EMP2: variants seen among roughly 807,000 people sequenced by gnomAD.
EMP2 encodes the protein epithelial membrane protein 2.
EMP2 carries 19 observed loss-of-function variants against 13.7 expected under a neutral mutation model. The ratio of observed to expected loss-of-function variants is 1.38; its 90% CI spans 0.97 to 2.03. The LOEUF (loss-of-function observed/expected upper bound fraction) is 2.03, where lower values mean the gene tolerates loss of function less well. Among genes scored for constraint, EMP2 ranks in the 30% most tolerant of loss-of-function variants. EMP2 has a pLI of 0.00. For synonymous variants in EMP2, 97 were observed against 84.7 expected (o/e 1.15, Z -0.80); for missense variants, 253 against 220.7 (o/e 1.15, Z -0.93).
chr16:10,544,876 C>T (rs185941030), intron 2 of EMP2: 2 of 152,310 alleles, frequency 1.3e-5, no homozygotes, highest in Admixed American at 6.5e-5. Flanking sequence ...CAGAGAGAGA[C>T]CCTGTCACAA....
chr16:10,546,290 C>G (rs1052283635), intron 2 of EMP2: 1 of 152,214 alleles, frequency 6.6e-6, no homozygotes, highest in African/African-American at 2.4e-5. Flanking sequence ...TGTTTCTGCC[C>G]TTTAATTATC....
In EMP2 at chr16:10,580,225, G is replaced by A. The variant is rs2051017720; in HGVS notation, c.-61+324C>T. On this transcript the variant is annotated intron_variant, in intron 1 of 4. Transcript: ENST00000359543. This position sits in a 1 kb window ranked among gnomAD's most constrained non-coding sequence, Gnocchi z 4.3. ...CCTCACGCGACCTGGGGATCTCCCT[G>A]GACTCCAAGAGCCCCGGGTGTAAGT... is the stretch of plus-strand genomic sequence containing the variant. Among the ~76,000 whole-genome samples, 1 of 152,146 alleles carries A rather than the reference G, an allele frequency of 6.6e-6. No individual in the cohort carries two copies. Among genetic ancestry groups the A allele is most frequent in the Admixed American group, 6.5e-5 (1 of 15,290 alleles).
chr16:10,569,464 G>A (rs1208629773), intron 1 of EMP2, among the ~76,000 whole-genome samples: 3 of 151,980 alleles, frequency 2.0e-5, no homozygotes, highest in Admixed American at 6.6e-5. Flanking sequence ...TCCTACAGGT[G>A]CATGCCACCA....
At chr16:10,559,407 CAA>C (rs767948656) in intron 1 of EMP2, among the ~76,000 whole-genome samples, 7 of 152,216 alleles carry the variant, frequency 4.6e-5, no homozygotes, top group Non-Finnish European at 8.8e-5. Flanking sequence ...GCTCTGGGCA[CAA>C]AGTCAGCATT....
At chr16:10,560,079 G>A (rs146485607) in intron 1 of EMP2, among the ~76,000 whole-genome samples, 100 of 152,280 alleles carry the variant, frequency 6.6e-4, no homozygotes, top group Non-Finnish European at 1.3e-3. Flanking sequence ...CCCAAGCAGC[G>A]TGGCACCAGA....
At chr16:10,536,559 G>A (rs2050648821) in intron 4 of EMP2, among the ~76,000 whole-genome samples, 1 of 152,192 alleles carries the variant, frequency 6.6e-6, no homozygotes, top group Non-Finnish European at 1.5e-5. Flanking sequence ...CTTCCGCCAT[G>A]ACTGTGAGGC....
chr16:10,564,593 A>T (rs1313934836), intron 1 of EMP2, among the ~76,000 whole-genome samples: 2 of 151,376 alleles, frequency 1.3e-5, no homozygotes, highest in South Asian at 4.2e-4. Flanking sequence ...CTCCTACCTC[A>T]TTATCAATCA....
chr16:10,538,575 C>G (rs927441609), intron 3 of EMP2, among the ~76,000 whole-genome samples: 2 of 152,146 alleles, frequency 1.3e-5, no homozygotes, highest in Non-Finnish European at 2.9e-5. Context: ...TTCACGGTCA[C>G]TACTTACAAA....
intron 2 of EMP2, chr16:10,544,570 G>C (rs540475039): frequency 1.3e-5 from 2 of 152,424 alleles, no homozygotes; most frequent in South Asian, 4.2e-4. Flanking sequence ...GAGAGTATGG[G>C]AGAAAAGATG....
chr16:10,569,501 T>C (rs1233291149), intron 1 of EMP2, among the ~76,000 whole-genome samples: 1 of 151,994 alleles, frequency 6.6e-6, no homozygotes, highest in African/African-American at 2.4e-5. Flanking sequence ...TTATTTTTTG[T>C]ACAGATGGGG....
rs961973333 is a variant in EMP2 at position 10,580,087 on chromosome 16, G to A, written c.-61+462C>T. ...GTCGCTCCTCGCCGCTCGGGGGCGC[G>A]ACGGAGCAGCGGCGGGGGCCTAGAG... On this transcript the variant is annotated intron_variant, in intron 1 of 4. Transcript: ENST00000359543. This position sits in a 1 kb window ranked among gnomAD's most constrained non-coding sequence, Gnocchi z 4.3. 6.6e-6 allele frequency among the ~76,000 whole-genome samples: 1 copy of A among 152,116 alleles called. No individual in the cohort carries two copies.
intron 3 of EMP2, among the ~76,000 whole-genome samples, chr16:10,543,259 T>C (rs750743424): frequency 6.6e-6 from 1 of 152,218 alleles, no homozygotes; most frequent in Non-Finnish European, 1.5e-5. Context: ...GAGAAAATTC[T>C]AGATGAGAGC....
chr16:10,536,837 T>A (rs2050650546), intron 4 of EMP2, among the ~76,000 whole-genome samples: 1 of 152,138 alleles, frequency 6.6e-6, no homozygotes, highest in African/African-American at 2.4e-5. Flanking sequence ...CCCAGGCTGG[T>A]CTTGAACTCC....
intron 4 of EMP2, among the ~76,000 whole-genome samples, 153 bp downstream of exon 4, chr16:10,537,775 C>CAT (rs1357073041): frequency 6.6e-6 from 1 of 151,698 alleles, no homozygotes; most frequent in Non-Finnish European, 1.5e-5. Context: ...CACACACACA[C>CAT]ACACACGCAA....
At chr16:10,545,515 T>C (rs777242975) in intron 2 of EMP2, 6 of 152,256 alleles carry the variant, frequency 3.9e-5, no homozygotes, top group African/African-American at 1.4e-4. Context: ...TAGATTCTTA[T>C]AGGAGTGTCA....
At chr16:10,548,395 T>C (rs961075710) in intron 1 of EMP2, among the ~76,000 whole-genome samples, 1 of 151,994 alleles carries the variant, frequency 6.6e-6, no homozygotes, top group African/African-American at 2.4e-5. Context: ...TGACCATTTA[T>C]AAAATTAATC....
At chr16:10,559,784 C>T (rs1157811202) in intron 1 of EMP2, among the ~76,000 whole-genome samples, 2 of 152,188 alleles carry the variant, frequency 1.3e-5, no homozygotes, top group African/African-American at 2.4e-5. Context: ...AAGCAATTCT[C>T]CTGCCTCAAC....
chr16:10,575,292 C>T (rs1366330689), intron 1 of EMP2, among the ~76,000 whole-genome samples: 3 of 101,188 alleles, frequency 3.0e-5, no homozygotes, highest in Admixed American at 1.5e-4. Context: ...CTCGCTCCGT[C>T]GCCCAGGCTG....
intron 4 of EMP2, among the ~76,000 whole-genome samples, chr16:10,535,092 T>G (rs1180753980): frequency 1.3e-5 from 2 of 152,186 alleles, no homozygotes; most frequent in African/African-American, 4.8e-5. Flanking sequence ...TTTTTCAGCT[T>G]TTCCTTTGAT....
Sources: allele counts gnomAD v4.1 joint callset (sites outside exome capture counted in the v4.1 genomes callset), GRCh38; gene constraint gnomAD v4.1.1; non-coding constraint Gnocchi (gnomAD v3.1); transcripts MANE v1.5; gene names NCBI Gene and HGNC (gene_info 2026-07-23, HGNC 2026-07-21).